The following SPIDR variants were observed in gnomAD, a reference collection of about 807,000 sequenced individuals.
SPIDR encodes the protein scaffold protein involved in DNA repair, also known as DNA repair-scaffolding protein.
A neutral mutation model predicts 104.6 loss-of-function variants in SPIDR; 93 were observed. That is an observed-to-expected ratio of 0.89 (90% confidence interval 0.75 to 1.06). The LOEUF is 1.06. SPIDR is among the 50% of genes least tolerant of loss of function. The pLI, the probability that SPIDR is intolerant of heterozygous loss-of-function variation, is 0.00. For synonymous variants in SPIDR, 431 were observed against 416.9 expected, an observed-to-expected ratio of 1.03 and a Z score of -0.41; for missense variants, 1,154 against 1,111.2, an observed-to-expected ratio of 1.04 and a Z score of -0.55.
chr8:47,280,311 A>G (rs1316148581), intron 2 of SPIDR, among the ~76,000 whole-genome samples: 4 of 150,332 alleles, frequency 2.7e-5, no homozygotes, highest in South Asian at 2.1e-4. Flanking sequence ...TGGCGCAATC[A>G]TAGCTCATGG....
chr8:47,627,315 G>C (rs200589514), intron 10 of SPIDR, among the ~76,000 whole-genome samples: 2 of 151,834 alleles, frequency 1.3e-5, no homozygotes, highest in East Asian at 1.9e-4. Context: ...GTGCAGCACA[G>C]CAACATGGCA....
intron 5 of SPIDR, among the ~76,000 whole-genome samples, chr8:47,294,788 G>A (rs1187753411): frequency 6.6e-6 from 1 of 152,136 alleles, no homozygotes; most frequent in South Asian, 2.1e-4. Flanking sequence ...GTGCCACCAC[G>A]TCTGGCTAAT....
intron 1 of SPIDR, among the ~76,000 whole-genome samples, chr8:47,275,583 C>A (rs2036255691): frequency 6.6e-6 from 1 of 151,888 alleles, no homozygotes; most frequent in East Asian, 1.9e-4. Context: ...ATGAGTGGAA[C>A]CTCTGTGTAA....
intron 11 of SPIDR, among the ~76,000 whole-genome samples, chr8:47,678,433 G>A (rs1320694111): frequency 2.6e-5 from 4 of 152,186 alleles, no homozygotes; most frequent in Non-Finnish European, 4.4e-5. Flanking sequence ...TGGTACATAG[G>A]GAGCTCTCAG....
chr8:47,522,967 G>GCTTT (rs889920682), intron 8 of SPIDR, among the ~76,000 whole-genome samples: 2 of 151,472 alleles, frequency 1.3e-5, no homozygotes, highest in Admixed American at 6.6e-5. Flanking sequence ...TGTGTGGTTT[G>GCTTT]CTTTCTTTCT....
chr8:47,290,993 T>C, intron 3 of SPIDR, 40 bp from the exon 4 acceptor site: 1 of 1,483,520 alleles, frequency 6.7e-7, no homozygotes, highest in Non-Finnish European at 9.3e-7. Context: ...AATGACCATA[T>C]AAGGAGATCA....
chr8:47,524,065 A>T (rs1377751985), intron 8 of SPIDR, among the ~76,000 whole-genome samples: 1 of 152,206 alleles, frequency 6.6e-6, no homozygotes, highest in Non-Finnish European at 1.5e-5. Context: ...TAGAATTGAC[A>T]TCTGAGTTAG....
Position 47,701,794 on chromosome 8 carries a change from T to G in SPIDR, c.1847T>G (p.Ile616Arg). 1 of 1,614,190 alleles carries G rather than the reference T, an allele frequency of 6.2e-7. No homozygotes were observed. Among genetic ancestry groups the G allele is most frequent in the South Asian group, 1.1e-5 (1 of 91,078 alleles). The change falls in exon 13 of 20, where the codon ATA becomes AGA. Residue 616 changes from isoleucine (I) to arginine (R), a missense_variant. Physicochemically the swap from Ile to Arg is moderately conservative, Grantham distance 97 (BLOSUM62 -3). Coordinates refer to ENST00000297423, the MANE Select transcript of SPIDR (RefSeq NM_001080394.4). ...CATCCAAATCTGGGACAAATTGATATAATTGACGAAGACCCCATTTATAAG... is the reference window on the plus strand; with the variant it reads ...CATCCAAATCTGGGACAAATTGATAGAATTGACGAAGACCCCATTTATAAG... ...TAHPNLGQIDIIDEDPIYKLY... is the reference protein window; with the variant it reads ...TAHPNLGQIDRIDEDPIYKLY...
At chr8:47,351,210 AT>A (rs2053451643) in intron 5 of SPIDR, among the ~76,000 whole-genome samples, 1 of 152,230 alleles carries the variant, frequency 6.6e-6, no homozygotes, top group Non-Finnish European at 1.5e-5. Flanking sequence ...TGATTTATAA[AT>A]TAAGCTTCAT....
At chr8:47,490,781 G>A (rs185599654) in intron 8 of SPIDR, among the ~76,000 whole-genome samples, 232 of 152,286 alleles carry the variant, frequency 1.5e-3, no homozygotes, top group Non-Finnish European at 2.8e-3. Context: ...TCACTCATAG[G>A]TGAGAATTGG....
At chr8:47,647,641 A>AGAGAGAGAGAGAGAGAGAGG (rs1563415769) in intron 10 of SPIDR, among the ~76,000 whole-genome samples, 239 of 144,806 alleles carry the variant, frequency 1.7e-3, no homozygotes, top group African/African-American at 6.1e-3. Flanking sequence ...AGAGAGAGAG[A>AGAGAGAGAGAGAGAGAGAGG]GAGAGAGAGA....
chr8:47,654,405 T>A (rs1301785782), intron 10 of SPIDR, among the ~76,000 whole-genome samples: 4 of 152,184 alleles, frequency 2.6e-5, no homozygotes, highest in Admixed American at 6.5e-5. Context: ...ATAGAGTACT[T>A]CCAGGTTTTG....
At chr8:47,283,220 G>A (rs2101611) in intron 2 of SPIDR, among the ~76,000 whole-genome samples, 2 of 152,170 alleles carry the variant, frequency 1.3e-5, no homozygotes, top group African/African-American at 2.4e-5. Context: ...ACTTTGAGGC[G>A]ATTGTAAGGT....
rs559202054 is a variant in SPIDR at position 47,265,798 on chromosome 8, C to G, written c.33+4807C>G. Reference sequence around the variant, plus strand: ...AACTAAATCTGGAGGCTGGGCCTTGCTAGATCAAAGTGTTGACAGATTTCA... The same window carrying G: ...AACTAAATCTGGAGGCTGGGCCTTGGTAGATCAAAGTGTTGACAGATTTCA... On this transcript the variant is annotated intron_variant, in intron 1 of 19. Transcript: ENST00000297423. Among the ~76,000 whole-genome samples, 14 of 152,220 alleles carry G rather than the reference C, an allele frequency of 9.2e-5. No individual in the cohort carries two copies. In the South Asian group the frequency reaches 2.9e-3, roughly 32 times the overall value.
chr8:47,527,190 C>G (rs907215090), intron 8 of SPIDR, among the ~76,000 whole-genome samples: 1 of 152,084 alleles, frequency 6.6e-6, no homozygotes, highest in African/African-American at 2.4e-5. Context: ...AACAGTATAC[C>G]GGAGCATTCA....
chr8:47,725,891 A>G (rs889792455), intron 16 of SPIDR, among the ~76,000 whole-genome samples: 3 of 152,250 alleles, frequency 2.0e-5, no homozygotes, highest in African/African-American at 7.2e-5. Context: ...CTAGGATAAA[A>G]AGGAACTTTG....
At chr8:47,435,326 CTGTGTG>C (rs4021912) in intron 7 of SPIDR, among the ~76,000 whole-genome samples, 8 of 146,360 alleles carry the variant, frequency 5.5e-5, no homozygotes, top group African/African-American at 1.7e-4. Context: ...TTGCTCAGAT[CTGTGTG>C]TGTGTGTGTG....
At chr8:47,411,335 T>G (rs1214708996) in intron 7 of SPIDR, among the ~76,000 whole-genome samples, 2 of 152,198 alleles carry the variant, frequency 1.3e-5, no homozygotes, top group Non-Finnish European at 2.9e-5. Flanking sequence ...TTTCCTGACT[T>G]TTTAATGATC....
At chr8:47,549,523 A>G (rs968726731) in intron 8 of SPIDR, among the ~76,000 whole-genome samples, 2 of 152,212 alleles carry the variant, frequency 1.3e-5, no homozygotes, top group Non-Finnish European at 2.9e-5. Flanking sequence ...ATGGCCAGTG[A>G]TGATGAGCAT....
Sources: allele counts gnomAD v4.1 joint callset (sites outside exome capture counted in the v4.1 genomes callset), GRCh38; gene constraint gnomAD v4.1.1; transcripts MANE v1.5; gene names NCBI Gene and HGNC (gene_info 2026-07-23, HGNC 2026-07-21).